CREB5: variants seen among roughly 807,000 people sequenced by gnomAD.
The protein encoded by CREB5 is cyclic AMP-responsive element-binding protein 5.
In CREB5, 19 loss-of-function variants were observed where a neutral mutation model predicts 57.1. The observed-to-expected ratio is 0.33, with a 90% CI of 0.23 to 0.49. The LOEUF (loss-of-function observed/expected upper bound fraction) is 0.49, where lower values mean the gene tolerates loss of function less well. Among genes scored for constraint, CREB5 ranks in the 20% least tolerant of loss-of-function variants. The pLI, the probability that CREB5 is intolerant of heterozygous loss-of-function variation, is 0.99. For synonymous variants in CREB5, 238 were observed against 238.3 expected, an observed-to-expected ratio of 1.00 and a Z score of 0.01; for missense variants, 579 against 671.6, an observed-to-expected ratio of 0.86 and a Z score of 1.52.
At chr7:28,520,492 G>T (rs993319158) in intron 4 of CREB5, among the ~76,000 whole-genome samples, 11 of 152,198 alleles carry the variant, frequency 7.2e-5, no homozygotes, top group African/African-American at 2.7e-4. Flanking sequence ...CCCTGGCAGA[G>T]GTAACTTGCT....
intron 1 of CREB5, among the ~76,000 whole-genome samples, chr7:28,380,737 T>C (rs1434332318): frequency 6.6e-6 from 1 of 152,172 alleles, no homozygotes; most frequent in African/African-American, 2.4e-5. Flanking sequence ...GCTGTCACCA[T>C]TTTTGACTCT....
chr7:28,471,465 G>T (rs184233619), intron 1 of CREB5, among the ~76,000 whole-genome samples: 1 of 151,826 alleles, frequency 6.6e-6, no homozygotes, highest in Non-Finnish European at 1.5e-5. Flanking sequence ...ATGCTCTTTC[G>T]GTTACTATAG....
At position 28,530,639 on chromosome 7, in the gene CREB5, C is replaced by T. The variant is rs549904495; in HGVS notation, c.291+22902C>T. 4.6e-5 allele frequency among the ~76,000 whole-genome samples: 7 copies of T among 152,330 alleles called. No individual in the cohort carries two copies. In the East Asian group the frequency reaches 7.7e-4, roughly 17 times the overall value. On this transcript the variant is annotated intron_variant, in intron 4 of 10. Transcript: ENST00000357727. The stretch of plus-strand genomic sequence containing the variant: ...GCTATGCAAAATGGCCCTCCCTCTA[C>T]GCTGCTGAAGAAAACTTTACCCTGG...
intron 7 of CREB5, among the ~76,000 whole-genome samples, chr7:28,747,392 A>T (rs144154531): frequency 1.3e-5 from 2 of 152,376 alleles, no homozygotes; most frequent in East Asian, 3.9e-4. Flanking sequence ...CCATAATGAG[A>T]AAGAAGCATT....
chr7:28,586,199 C>T (rs778166170), intron 5 of CREB5, among the ~76,000 whole-genome samples: 1 of 152,144 alleles, frequency 6.6e-6, no homozygotes, highest in Admixed American at 6.5e-5. Flanking sequence ...CTCACTGTCA[C>T]GGGCCAGAAA....
intron 5 of CREB5, chr7:28,686,086 A>G: frequency 6.3e-7 from 1 of 1,585,762 alleles, no homozygotes; most frequent in Non-Finnish European, 8.6e-7. Flanking sequence ...AATGGGAAGG[A>G]TATGACTCAC....
At chr7:28,690,733 G>A (rs1801206102) in intron 5 of CREB5, among the ~76,000 whole-genome samples, 1 of 152,164 alleles carries the variant, frequency 6.6e-6, no homozygotes, top group Admixed American at 6.5e-5. Context: ...GGATTCTGTT[G>A]GATAGGATTC....
At chr7:28,533,552 A>ATAGCATT (rs1406622229) in intron 4 of CREB5, among the ~76,000 whole-genome samples, 1 of 152,242 alleles carries the variant, frequency 6.6e-6, no homozygotes, top group African/African-American at 2.4e-5. Flanking sequence ...CCGGAAGGAC[A>ATAGCATT]TAGCATTTTA....
At chr7:28,445,590 T>A (rs375748109) in intron 1 of CREB5, among the ~76,000 whole-genome samples, 1 of 151,960 alleles carries the variant, frequency 6.6e-6, no homozygotes, top group Non-Finnish European at 1.5e-5. Context: ...CTCGCTCTGT[T>A]GCCCAGGCTG....
chr7:28,412,123 G>T (rs1472641304), upstream of CREB5, among the ~76,000 whole-genome samples: 4 of 152,206 alleles, frequency 2.6e-5, no homozygotes, highest in Admixed American at 2.0e-4. Flanking sequence ...GAAAAGCAAA[G>T]ATAATAGGCA....
intron 7 of CREB5, among the ~76,000 whole-genome samples, chr7:28,779,641 A>G (rs1448187621): frequency 1.3e-5 from 2 of 152,160 alleles, no homozygotes; most frequent in Non-Finnish European, 2.9e-5. Flanking sequence ...TTAAGTAAAT[A>G]ATGAGTCTTG....
At chr7:28,322,780 C>A (rs1250283417) in intron 1 of CREB5, among the ~76,000 whole-genome samples, 3 of 152,188 alleles carry the variant, frequency 2.0e-5, no homozygotes, top group African/African-American at 7.2e-5. Flanking sequence ...AAGACATGAA[C>A]TCATCCGTTT....
chr7:28,519,546 A>G (rs1793118530), intron 4 of CREB5, among the ~76,000 whole-genome samples: 1 of 152,154 alleles, frequency 6.6e-6, no homozygotes, highest in Admixed American at 6.5e-5. Context: ...ATGGGTTTGC[A>G]CAAATCTAAA....
In CREB5 at chr7:28,435,983, G is replaced by A. The variant is rs549886473; in HGVS notation, c.3+23066G>A. Among the ~76,000 whole-genome samples, 6 of 152,288 alleles carry A rather than the reference G, an allele frequency of 3.9e-5. No individual in the cohort carries two copies. The South Asian group carries it at 6.2e-4, about 16-fold the overall frequency. ...TTTCTCTGTCCAGCAGACTGAAAGT[G>A]TCACAGAACATGTCAGAGTGGCTTG... is the stretch of plus-strand genomic sequence containing the variant. On this transcript the variant is annotated intron_variant, in intron 1 of 10. Transcript: ENST00000357727.
At chr7:28,446,778 T>C (rs1183031143) in intron 1 of CREB5, among the ~76,000 whole-genome samples, 3 of 151,888 alleles carry the variant, frequency 2.0e-5, no homozygotes, top group African/African-American at 7.3e-5. Context: ...GGCAACAGAG[T>C]GAGACTCTGT....
chr7:28,689,587 C>T (rs1420753181), intron 5 of CREB5, among the ~76,000 whole-genome samples: 13 of 152,140 alleles, frequency 8.5e-5, no homozygotes, highest in Admixed American at 5.2e-4. Flanking sequence ...GACACTGTTA[C>T]AATCCATTGA....
At chr7:28,558,830 C>T (rs1794971907) in intron 4 of CREB5, among the ~76,000 whole-genome samples, 1 of 152,058 alleles carries the variant, frequency 6.6e-6, no homozygotes, top group African/African-American at 2.4e-5. Context: ...AGAAATAGAC[C>T]CTTCAGCATC....
intron 6 of CREB5, among the ~76,000 whole-genome samples, chr7:28,721,421 CCTTT>C (rs1803025821): frequency 6.6e-6 from 1 of 152,096 alleles, no homozygotes; most frequent in Admixed American, 6.6e-5. Flanking sequence ...AAACCTAGGC[CCTTT>C]CTTCCTTATC....
chr7:28,336,037 G>A (rs1309124261), intron 1 of CREB5, among the ~76,000 whole-genome samples: 1 of 152,064 alleles, frequency 6.6e-6, no homozygotes, highest in Non-Finnish European at 1.5e-5. Flanking sequence ...TTGTACCCTG[G>A]AATAAATCCC....
Sources: allele counts gnomAD v4.1 joint callset (sites outside exome capture counted in the v4.1 genomes callset), GRCh38; gene constraint gnomAD v4.1.1; transcripts MANE v1.5; gene names NCBI Gene and HGNC (gene_info 2026-07-23, HGNC 2026-07-21).